The following IMMP2L variants were observed in gnomAD, a reference collection of about 807,000 sequenced individuals.
IMMP2L encodes inner mitochondrial membrane peptidase subunit 2, also known as mitochondrial inner membrane protease subunit 2.
Under a neutral mutation model 19.3 loss-of-function variants are expected in IMMP2L, and 18 were observed. The observed-to-expected ratio is 0.93, with a 90% confidence interval of 0.64 to 1.38. The LOEUF (loss-of-function observed/expected upper bound fraction) is 1.38. Ranked by LOEUF, IMMP2L falls within the 40% of genes most tolerant of loss-of-function variation. IMMP2L has a pLI of 0.00. For missense variants in IMMP2L, 233 were observed against 218.2 expected (o/e 1.07, Z -0.43); for synonymous variants, 76 against 73.0 (o/e 1.04, Z -0.21).
intron 3 of IMMP2L, among the ~76,000 whole-genome samples, chr7:111,033,320 G>A (rs12665929): frequency 6.6e-6 from 1 of 151,936 alleles, no homozygotes; most frequent in African/African-American, 2.4e-5. Context: ...ACTGACTACA[G>A]CAAATGCTGA....
Position 110,693,530 on chromosome 7 carries a change from G to C in IMMP2L, c.409-29809C>G, listed in dbSNP as rs565758756. Among the ~76,000 whole-genome samples, 6 of 152,228 alleles carry C rather than the reference G, an allele frequency of 3.9e-5. No individual in the cohort carries two copies. In the South Asian group the frequency reaches 1.2e-3, roughly 32 times the overall value. Reference sequence around the variant, plus strand: ...AACTATGGGAACAGGACTTTGCTTTGTTAATTGCTGTATCCTGAGTGCCTA... The same window carrying C: ...AACTATGGGAACAGGACTTTGCTTTCTTAATTGCTGTATCCTGAGTGCCTA... On this transcript the variant is annotated intron_variant, in intron 5 of 5. Coordinates refer to ENST00000405709, the MANE Select transcript of IMMP2L (RefSeq NM_032549.4).
chr7:110,892,423 G>A (rs891079521), intron 4 of IMMP2L, among the ~76,000 whole-genome samples: 4 of 152,036 alleles, frequency 2.6e-5, no homozygotes, highest in Admixed American at 2.6e-4. Context: ...AAAAAGAAGG[G>A]TATAAAATGG....
At chr7:110,724,152 C>T (rs1460701310) in intron 5 of IMMP2L, 4 of 152,134 alleles carry the variant, frequency 2.6e-5, no homozygotes, top group Non-Finnish European at 5.9e-5. Context: ...GTCAAAATAT[C>T]ATTTCATCTT....
chr7:110,865,756 G>A (rs1807917442), intron 5 of IMMP2L, among the ~76,000 whole-genome samples: 1 of 151,668 alleles, frequency 6.6e-6, no homozygotes. Flanking sequence ...CAGCATTTAA[G>A]ACAGCTTTTC....
chr7:110,722,530 T>C (rs191208160), intron 5 of IMMP2L, among the ~76,000 whole-genome samples: 53 of 152,232 alleles, frequency 3.5e-4, no homozygotes, highest in Non-Finnish European at 5.9e-5. Context: ...ATTTCTTTCA[T>C]ATGAAAACTA....
chr7:111,441,939 C>T lies in IMMP2L; in HGVS notation c.239+45299G>A, dbSNP rs562554713. ...AGATCACAAGGTCAGTAGATCGAGA[C>T]CACCCTGGCCAACATGGTGAAACCC... On this transcript the variant is annotated intron_variant, in intron 3 of 5. Coordinates refer to ENST00000405709, the MANE Select transcript of IMMP2L (RefSeq NM_032549.4). Among the ~76,000 whole-genome samples the T allele has an allele frequency of 7.2e-4, 109 of 151,778 alleles. 3 individuals are homozygous for T. Among genetic ancestry groups the T allele is most frequent in the Middle Eastern group, 3.4e-3 (1 of 294 alleles).
At chr7:110,665,095 C>T (rs1169556977) in intron 5 of IMMP2L, 1 of 152,122 alleles carries the variant, frequency 6.6e-6, no homozygotes, top group Admixed American at 6.5e-5. Context: ...GAAATACAAA[C>T]TAAATATTCA....
chr7:111,316,994 C>T (rs925142194), intron 3 of IMMP2L, among the ~76,000 whole-genome samples: 10 of 151,712 alleles, frequency 6.6e-5, no homozygotes, highest in African/African-American at 2.4e-4. Flanking sequence ...GGATTACAGG[C>T]ACGTGCAACC....
chr7:111,031,388 G>GTT (rs1188493594), intron 3 of IMMP2L, among the ~76,000 whole-genome samples: 2 of 71,034 alleles, frequency 2.8e-5, no homozygotes. Flanking sequence ...AGGGGTGTGT[G>GTT]TGTGTGTGTG....
chr7:111,378,950 A>AAT (rs995473521), intron 3 of IMMP2L, among the ~76,000 whole-genome samples: 16 of 151,862 alleles, frequency 1.1e-4, no homozygotes, highest in African/African-American at 3.9e-4. Context: ...ATTCCATAAG[A>AAT]ATACAAGATA....
At chr7:111,041,938 C>T (rs1791936016) in intron 3 of IMMP2L, among the ~76,000 whole-genome samples, 1 of 152,132 alleles carries the variant, frequency 6.6e-6, no homozygotes, top group African/African-American at 2.4e-5. Flanking sequence ...CCTTCTGTAG[C>T]TCAGTTTCCT....
intron 5 of IMMP2L, among the ~76,000 whole-genome samples, chr7:110,813,558 G>A (rs1802204591): frequency 1.3e-5 from 2 of 151,714 alleles, no homozygotes; most frequent in Non-Finnish European, 2.9e-5. Flanking sequence ...CTCCTGAGTA[G>A]CTGGGACTAC....
intron 3 of IMMP2L, among the ~76,000 whole-genome samples, chr7:111,091,992 C>A (rs763859303): frequency 6.6e-6 from 1 of 152,126 alleles, no homozygotes; most frequent in Non-Finnish European, 1.5e-5. Flanking sequence ...AATCAACCCA[C>A]CAAATGGGGC....
At chr7:110,690,469 G>A (rs1376691628) in intron 5 of IMMP2L, among the ~76,000 whole-genome samples, 1 of 152,074 alleles carries the variant, frequency 6.6e-6, no homozygotes, top group Non-Finnish European at 1.5e-5. Flanking sequence ...AATCAGGCAA[G>A]AGAAAGAGAT....
At chr7:111,124,530 A>C in intron 3 of IMMP2L, 1 of 1,613,814 alleles carries the variant, frequency 6.2e-7, no homozygotes. Flanking sequence ...TGAATCCATC[A>C]ACTGAGTATA....
chr7:111,281,059 G>A (rs1362438062), intron 3 of IMMP2L, among the ~76,000 whole-genome samples: 1 of 148,574 alleles, frequency 6.7e-6, no homozygotes, highest in African/African-American at 2.5e-5. Context: ...AACAGAGCGA[G>A]ACTCTGAGAA....
At position 110,758,173 on chromosome 7, in the gene IMMP2L, A is replaced by G. The variant is rs911671233; in HGVS notation, c.409-94452T>C. 6.6e-6 allele frequency among the ~76,000 whole-genome samples: 1 copy of G among 152,064 alleles called. No homozygotes were observed. Among genetic ancestry groups the G allele is most frequent in the Non-Finnish European group, 1.5e-5 (1 of 67,998 alleles). On this transcript the variant is annotated intron_variant, in intron 5 of 5. Coordinates refer to ENST00000405709, the MANE Select transcript of IMMP2L (RefSeq NM_032549.4). This position sits in a 1 kb window ranked among gnomAD's most constrained non-coding sequence, Gnocchi z 4.6. ...ATGAGGATGAAGAATGGATAAGTGA[A>G]GTTAGCCTCTTGGAGTCATTATTAA...
intron 3 of IMMP2L, among the ~76,000 whole-genome samples, chr7:111,210,859 C>T (rs563171782): frequency 5.9e-5 from 9 of 152,156 alleles, no homozygotes; most frequent in East Asian, 1.9e-4. Context: ...AGAAATAATA[C>T]TTGAACTTGA....
intron 3 of IMMP2L, among the ~76,000 whole-genome samples, chr7:111,241,199 A>G (rs1445747865): frequency 6.6e-6 from 1 of 152,014 alleles, no homozygotes; most frequent in African/African-American, 2.4e-5. Flanking sequence ...GATTACATAT[A>G]TTTAAAGCAT....
Sources: allele counts gnomAD v4.1 joint callset (sites outside exome capture counted in the v4.1 genomes callset), GRCh38; gene constraint gnomAD v4.1.1; non-coding constraint Gnocchi (gnomAD v3.1); transcripts MANE v1.5; gene names NCBI Gene and HGNC (gene_info 2026-07-23, HGNC 2026-07-21).